Variants in FMN2 observed in about 807,000 individuals in gnomAD.
FMN2 encodes the protein formin 2, also known as formin-2.
FMN2 carries 51 observed loss-of-function variants against 142.3 expected under a neutral mutation model. The observed-to-expected ratio is 0.36, with a 90% CI of 0.29 to 0.45. The LOEUF (loss-of-function observed/expected upper bound fraction) is 0.45, where lower values mean the gene tolerates loss of function less well. Among genes scored for constraint, FMN2 ranks in the 20% least tolerant of loss-of-function variants. The pLI is 1.00. For missense variants in FMN2, 1,936 were observed against 2,122.8 expected, an observed-to-expected ratio of 0.91 and a Z score of 1.73; for synonymous variants, 882 against 869.8, an observed-to-expected ratio of 1.01 and a Z score of -0.25.
intron 1 of FMN2, among the ~76,000 whole-genome samples, chr1:240,113,790 G>GC (rs1394562234): frequency 1.3e-5 from 2 of 152,152 alleles, no homozygotes; most frequent in Non-Finnish European, 2.9e-5. Context: ...GTATAGTCCA[G>GC]CTGGAGTGTG....
chr1:240,133,363 G>A lies in FMN2; in HGVS notation c.1782+10018G>A, dbSNP rs542849026. ...AAAAAATTTTTTTAATAGAGGTGGGGTCTCCTTATGTGGCCAAGGCTGGTC... is the reference window on the plus strand; with the variant it reads ...AAAAAATTTTTTTAATAGAGGTGGGATCTCCTTATGTGGCCAAGGCTGGTC... On this transcript the variant is annotated intron_variant, in intron 2 of 17. Coordinates refer to ENST00000319653, the MANE Select transcript of FMN2 (RefSeq NM_020066.5). Among the ~76,000 whole-genome samples, 11 of 152,210 alleles carry A rather than the reference G, an allele frequency of 7.2e-5. No homozygotes were observed. In the South Asian group the frequency reaches 1.0e-3, roughly 14 times the overall value.
intron 17 of FMN2, 93 bp downstream of exon 17, chr1:240,472,546 TCTA>T: frequency 1.2e-6 from 1 of 806,530 alleles, no homozygotes; most frequent in South Asian, 2.1e-5. Context: ...TAATTATTTT[TCTA>T]CTAAGTGTGA....
intron 15 of FMN2, among the ~76,000 whole-genome samples, chr1:240,403,142 G>A (rs1188166376): frequency 6.6e-6 from 1 of 152,150 alleles, no homozygotes; most frequent in Admixed American, 6.6e-5. Context: ...TGACATTCTG[G>A]ACAAAGGAAA....
At chr1:240,396,871 T>G (rs1441741138) in intron 15 of FMN2, among the ~76,000 whole-genome samples, 1 of 152,240 alleles carries the variant, frequency 6.6e-6, no homozygotes, top group Non-Finnish European at 1.5e-5. Context: ...GCACCTGGGT[T>G]GATTCCATGT....
intron 14 of FMN2, among the ~76,000 whole-genome samples, chr1:240,384,612 T>G (rs1017075190): frequency 6.6e-6 from 1 of 152,146 alleles, no homozygotes; most frequent in Non-Finnish European, 1.5e-5. Context: ...CAACTCACCC[T>G]GCATTGCCTT....
chr1:240,309,198 C>T (rs151110552), intron 8 of FMN2, among the ~76,000 whole-genome samples: 38 of 152,238 alleles, frequency 2.5e-4, no homozygotes, highest in African/African-American at 7.9e-4. Flanking sequence ...TACCCAAGTT[C>T]GGATAAGCTT....
intron 2 of FMN2, among the ~76,000 whole-genome samples, chr1:240,134,325 G>A (rs1431237235): frequency 6.6e-6 from 1 of 151,982 alleles, no homozygotes; most frequent in Non-Finnish European, 1.5e-5. Flanking sequence ...TGATAATCTT[G>A]AAAACACTTG....
intron 4 of FMN2, among the ~76,000 whole-genome samples, chr1:240,197,405 AC>A (rs1665957408): frequency 6.6e-6 from 1 of 151,986 alleles, no homozygotes. Flanking sequence ...AACACATTGA[AC>A]CTGCGGAGGG....
At chr1:240,437,050 A>G (rs1343012281) in intron 15 of FMN2, among the ~76,000 whole-genome samples, 3 of 152,162 alleles carry the variant, frequency 2.0e-5, no homozygotes, top group Non-Finnish European at 2.9e-5. Flanking sequence ...GGCATCACTC[A>G]TGGGACTGGA....
chr1:240,311,587 A>C (rs1353723598), intron 8 of FMN2, among the ~76,000 whole-genome samples: 1 of 152,098 alleles, frequency 6.6e-6, no homozygotes, highest in African/African-American at 2.4e-5. Flanking sequence ...TTACAGATTG[A>C]CTCTATAAAC....
At chr1:240,427,705 T>C (rs1453173082) in intron 15 of FMN2, among the ~76,000 whole-genome samples, 1 of 152,224 alleles carries the variant, frequency 6.6e-6, no homozygotes. Flanking sequence ...TGATTCTATC[T>C]CAGTGTTGTA....
intron 2 of FMN2, chr1:240,143,887 G>A (rs1291861397): frequency 1.3e-6 from 2 of 1,585,568 alleles, no homozygotes; most frequent in Non-Finnish European, 1.7e-6. Context: ...GCAGTGTTAG[G>A]ACATCTTCAT....
At chr1:240,229,315 C>T (rs1317137180) in intron 6 of FMN2, among the ~76,000 whole-genome samples, 1 of 152,074 alleles carries the variant, frequency 6.6e-6, no homozygotes, top group Admixed American at 6.5e-5. Flanking sequence ...TTAAAATTAG[C>T]CCATACCCCA....
At chr1:240,373,681 A>G (rs1375075121) in intron 14 of FMN2, among the ~76,000 whole-genome samples, 2 of 152,230 alleles carry the variant, frequency 1.3e-5, no homozygotes, top group East Asian at 3.9e-4. Flanking sequence ...TTCTCATTCT[A>G]GTTTTCTTGC....
chr1:240,342,737 G>T (rs1671783505), intron 13 of FMN2, among the ~76,000 whole-genome samples: 1 of 152,008 alleles, frequency 6.6e-6, no homozygotes, highest in Admixed American at 6.6e-5. Context: ...AGACATTGTG[G>T]TCTCATACCT....
intron 6 of FMN2, among the ~76,000 whole-genome samples, chr1:240,214,998 T>C (rs1038485943): frequency 1.3e-5 from 2 of 151,656 alleles, no homozygotes; most frequent in Non-Finnish European, 2.9e-5. Flanking sequence ...CCCAGGGAGG[T>C]TGAGGCTGCA....
intron 8 of FMN2, among the ~76,000 whole-genome samples, chr1:240,316,644 C>T (rs1670789774): frequency 6.6e-6 from 1 of 152,122 alleles, no homozygotes; most frequent in South Asian, 2.1e-4. Flanking sequence ...GTATTTGGAT[C>T]ACCATAGCTG....
intron 2 of FMN2, among the ~76,000 whole-genome samples, chr1:240,126,749 G>T (rs1662524658): frequency 6.6e-6 from 1 of 152,136 alleles, no homozygotes; most frequent in Admixed American, 6.5e-5. Context: ...CAGTGTTTTA[G>T]GCTCTGGAGA....
At position 240,092,451 on chromosome 1, in the gene FMN2, G is replaced by C. The variant is rs766266171; in HGVS notation, c.342G>C (p.Leu114=). The change falls in exon 1 of 18, where the codon CTG becomes CTC. Residue 114 remains leucine (L), a synonymous_variant. Coordinates refer to ENST00000319653, the MANE Select transcript of FMN2 (RefSeq NM_020066.5). The stretch of plus-strand genomic sequence containing the variant: ...GGGAGCTGGACAGCGCTCACTCCCT[G>C]CTCACCAAGACTCCAGACCTCAGCC... The part of the protein sequence containing the change: ...QTGELDSAHS[L]LTKTPDLSLS... 6.2e-7 allele frequency: 1 copy of C among 1,610,282 alleles called. No homozygotes were observed. The highest frequency in any genetic ancestry group is 8.5e-7 in the Non-Finnish European group (1 of 1,178,480).
Sources: gnomAD v4.1 joint callset for allele counts (sites outside exome capture counted in the v4.1 genomes callset) on GRCh38, gnomAD v4.1.1 for gene constraint, MANE v1.5 for transcripts, NCBI Gene and HGNC (gene_info 2026-07-23, HGNC 2026-07-21) for gene names.